Variants in CEP170B observed in about 807,000 individuals in gnomAD.
CEP170B encodes the protein centrosomal protein of 170 kDa protein B.
In CEP170B, 55 loss-of-function variants were observed where a neutral mutation model predicts 120.6. That is an observed-to-expected ratio of 0.46 (90% CI 0.37 to 0.57). The LOEUF (loss-of-function observed/expected upper bound fraction) is 0.57, where lower values mean the gene tolerates loss of function less well. CEP170B is among the 20% of genes least tolerant of loss of function. The pLI is 0.00. For missense variants in CEP170B, 2,212 were observed against 2,253.3 expected, an observed-to-expected ratio of 0.98 and a Z score of 0.37; for synonymous variants, 1,033 against 954.5, an observed-to-expected ratio of 1.08 and a Z score of -1.52.
In CEP170B at chr14:104,893,701, G is replaced by A. The variant is rs761265140; in HGVS notation, c.4182+35G>A. ...CCACTACCGCCACGGAGCTGGGTGT[G>A]GGGGGAGCAGGGGCGGGGCTCCTCG... On this transcript the variant is annotated intron_variant, in intron 15 of 18. Coordinates refer to ENST00000414716, the MANE Select transcript of CEP170B (RefSeq NM_001112726.3). The A allele has an allele frequency of 8.8e-6, 14 of 1,584,182 alleles. No individual in the cohort carries two copies. In the Admixed American group the frequency reaches 1.1e-4, roughly 12 times the overall value.
At chr14:104,892,908 G>A in intron 13 of CEP170B, 68 bp from the exon 14 acceptor site, 1 of 1,514,672 alleles carries the variant, frequency 6.6e-7, no homozygotes, top group Non-Finnish European at 9.0e-7. Flanking sequence ...GGGGCTTTGA[G>A]GCCTGTCTGG....
chr14:104,877,856 C>A (rs775300139), intron 3 of CEP170B, 29 bp from the exon 4 acceptor site: 10 of 537,256 alleles, frequency 1.9e-5, no homozygotes, highest in African/African-American at 1.1e-4. Context: ...GCAGCTCCCC[C>A]CCCCCCCCCG....
Position 104,887,658 on chromosome 14 carries a change from C to A in CEP170B, c.3419C>A (p.Ala1140Glu). The A allele has an allele frequency of 6.4e-6, 10 of 1,566,302 alleles. No individual in the cohort carries two copies. The highest frequency in any genetic ancestry group is 7.8e-6 in the Non-Finnish European group (9 of 1,158,282). Residue 1140 changes from alanine to glutamate, a missense_variant, in exon 12 of 19, where the codon GCG becomes GAG. Around this residue, in one of 2 missense-constraint regions of CEP170B, gnomAD observed 2,166 missense variants for 2,166.7 expected, o/e 1.00. Transcript: ENST00000414716. ...RLGDASDTEA[A>E]DGERGSLGNP... Reference sequence around the variant, plus strand: ...GGGGACGCTTCAGACACTGAGGCTGCGGATGGTGAGCGGGGGTCCCTGGGC... The same window carrying A: ...GGGGACGCTTCAGACACTGAGGCTGAGGATGGTGAGCGGGGGTCCCTGGGC...
At chr14:104,873,628 A>C (rs1311005299) in intron 2 of CEP170B, among the ~76,000 whole-genome samples, 2 of 151,912 alleles carry the variant, frequency 1.3e-5, no homozygotes, top group East Asian at 3.9e-4. Context: ...GTCCAGCAGG[A>C]GCTCTCGAGG....
intron 12 of CEP170B, among the ~76,000 whole-genome samples, chr14:104,888,797 G>T (rs1343362771): frequency 6.6e-6 from 1 of 152,250 alleles, no homozygotes; most frequent in African/African-American, 2.4e-5. Context: ...CCAACTGCTG[G>T]CTGCACTGGG....
In CEP170B at chr14:104,868,306, T is replaced by C. The variant is rs563641519; in HGVS notation, c.-27-118T>C. On this transcript the variant is annotated intron_variant, in intron 1 of 18. Transcript: ENST00000414716. The surrounding 1 kb of genome is among the most constrained non-coding windows in gnomAD (Gnocchi z 5.9). ...TGGCCTGATGAGGCTGGAGCCCAGC[T>C]TCTCCGGAAGCTGCCAGCTTCCCTT... 9.9e-6 allele frequency: 7 copies of C among 710,232 alleles called. No individual in the cohort carries two copies. The South Asian group carries it at 1.3e-4, about 13-fold the overall frequency. The allele number at this position is 710,232 out of a possible 1,614,324, so 44.0% of individuals were successfully genotyped here.
chr14:104,894,002 TC>T, intron 16 of CEP170B, 153 bp downstream of exon 16: 1 of 772,138 alleles, frequency 1.3e-6, no homozygotes, highest in Non-Finnish European at 2.1e-6. Context: ...TGTATGTGGC[TC>T]CCAGCAGGCA....
chr14:104,886,521 C>A lies in CEP170B; in HGVS notation c.2282C>A (p.Pro761Gln). 6.6e-7 allele frequency: 1 copy of A among 1,516,630 alleles called. No homozygotes were observed. The highest frequency in any genetic ancestry group is 8.8e-7 in the Non-Finnish European group (1 of 1,135,360). 93.9% of individuals were successfully genotyped at this position (1,516,630 alleles called of 1,614,324 possible). Reference protein sequence around the residue: ...SGSDGGRGPEPGVEPQDSRRR... With the variant: ...SGSDGGRGPEQGVEPQDSRRR... ...TCGGACGGGGGCCGAGGCCCCGAGC[C>A]AGGGGTGGAGCCACAGGACAGCAGA... The change falls in exon 12 of 19, where the codon CCA becomes CAA. Residue 761 changes from proline (P) to glutamine (Q), a missense_variant. This residue lies in a region of CEP170B where 2,166 missense variants were observed against 2,166.7 expected (regional missense o/e 1.00). Transcript: ENST00000414716.
chr14:104,889,798 G>A (rs1337187940), intron 13 of CEP170B, 40 bp downstream of exon 13: 2 of 1,574,148 alleles, frequency 1.3e-6, no homozygotes, highest in Admixed American at 1.7e-5. Flanking sequence ...GGGTGCCAGT[G>A]CGTTTTCTTG....
chr14:104,877,109 C>T (rs1234432306), intron 3 of CEP170B, among the ~76,000 whole-genome samples: 1 of 152,098 alleles, frequency 6.6e-6, no homozygotes, highest in African/African-American at 2.4e-5. Flanking sequence ...CTAGCAGCCC[C>T]TCAGCAGCCC....
In CEP170B at chr14:104,886,403, G is replaced by T; in HGVS notation, c.2164G>T (p.Gly722Trp). The change falls in exon 12 of 19, where the codon GGG becomes TGG. Residue 722 changes from glycine (G) to tryptophan (W), a missense_variant. By Grantham distance (184) the Gly-to-Trp change is radical. Around this residue, in one of 2 missense-constraint regions of CEP170B, gnomAD observed 2,166 missense variants for 2,166.7 expected, o/e 1.00. Coordinates refer to ENST00000414716, the MANE Select transcript of CEP170B (RefSeq NM_001112726.3). ...PAGPESSRRS[G>W]PGPPELDSEQ... Reference sequence around the variant, plus strand: ...GGGCCCAGAGAGCAGCAGGAGGAGTGGGCCTGGGCCACCGGAGCTGGACAG... The same window carrying T: ...GGGCCCAGAGAGCAGCAGGAGGAGTTGGCCTGGGCCACCGGAGCTGGACAG... The T allele has an allele frequency of 6.3e-7, 1 of 1,581,894 alleles. No individual in the cohort carries two copies.
intron 12 of CEP170B, among the ~76,000 whole-genome samples, chr14:104,888,963 C>T (rs899912345): frequency 3.9e-5 from 6 of 152,242 alleles, no homozygotes; most frequent in African/African-American, 7.2e-5. Context: ...CCATCATGCC[C>T]CGCTACAGTG....
intron 3 of CEP170B, 134 bp from the exon 4 acceptor site, chr14:104,877,751 G>A: frequency 1.5e-6 from 1 of 651,590 alleles, no homozygotes. Flanking sequence ...ACTCGCCGTG[G>A]GTTCCAGAGA....
chr14:104,889,982 GTGGATGGATGGA>G (rs1566872619), intron 13 of CEP170B, among the ~76,000 whole-genome samples: 1 of 52,820 alleles, frequency 1.9e-5, no homozygotes. Context: ...GGGTGGGTGG[GTGGATGGATGGA>G]TAGGAGGGTG....
At position 104,884,025 on chromosome 14, in the gene CEP170B, A is replaced by C. The variant is rs760869423; in HGVS notation, c.1246A>C (p.Lys416Gln). ...GTTCTTCGACGAGGACACACCCCGA[A>C]AGAAGCGCTCCCAGTCCTTCACGCA... ...IEFFDEDTPR[K>Q]KRSQSFTHSP... The change falls in exon 9 of 19, where the codon AAG (lysine) becomes CAG (glutamine). Residue 416 changes from lysine to glutamine, a missense_variant. Around this residue, in one of 2 missense-constraint regions of CEP170B, gnomAD observed 2,166 missense variants for 2,166.7 expected, o/e 1.00. Coordinates refer to ENST00000414716, the MANE Select transcript of CEP170B (RefSeq NM_001112726.3). 6.2e-7 allele frequency: 1 copy of C among 1,610,924 alleles called. No homozygotes were observed. The highest frequency in any genetic ancestry group is 1.7e-4 in the Middle Eastern group (1 of 6,058).
rs758126565 is a variant in CEP170B, at chr14:104,878,478, C to G, written c.310C>G (p.Arg104Gly). 6.2e-7 allele frequency: 1 copy of G among 1,612,066 alleles called. No individual in the cohort carries two copies. Among genetic ancestry groups the G allele is most frequent in the South Asian group, 1.1e-5 (1 of 91,054 alleles). The change falls in exon 5 of 19, where the codon CGA becomes GGA. Residue 104 changes from arginine (R) to glycine (G), a missense_variant. Transcript: ENST00000414716. The stretch of plus-strand genomic sequence containing the variant: ...GTATGTGCTGGAGCGTGTGCAGCAC[C>G]GAGTCCCGGAGGAGGCACTCAAGGT... Reference protein sequence around the residue: ...NMYVLERVQHRVPEEALKHEK... With the variant: ...NMYVLERVQHGVPEEALKHEK...
In CEP170B at chr14:104,885,516, G is replaced by A; in HGVS notation, c.1918G>A (p.Gly640Ser). The change falls in exon 10 of 19, where the codon GGT becomes AGT. Residue 640 changes from glycine (G) to serine (S), a missense_variant. By Grantham distance (56) the Gly-to-Ser change is moderately conservative. Around this residue, in one of 2 missense-constraint regions of CEP170B, gnomAD observed 2,166 missense variants for 2,166.7 expected, o/e 1.00. Coordinates refer to ENST00000414716, the MANE Select transcript of CEP170B (RefSeq NM_001112726.3). ...LLQEFASRPL[G>S]AAPQAEHQGL... The stretch of plus-strand genomic sequence containing the variant: ...GCAGGAGTTTGCCTCCCGGCCACTG[G>A]GTGCGGCCCCCCAGGCGGAGCACCA... 1 of 1,566,570 alleles carries A rather than the reference G, an allele frequency of 6.4e-7. No individual in the cohort carries two copies. Among genetic ancestry groups the A allele is most frequent in the African/African-American group, 1.4e-5 (1 of 74,020 alleles).
intron 2 of CEP170B, among the ~76,000 whole-genome samples, chr14:104,875,369 G>A (rs182846482): frequency 1.3e-5 from 2 of 152,300 alleles, no homozygotes; most frequent in African/African-American, 2.4e-5. Flanking sequence ...GCCAGGACTC[G>A]GTGACTTCCC....
intron 4 of CEP170B, 107 bp from the exon 5 acceptor site, chr14:104,878,336 C>T (rs1032807676): frequency 8.6e-7 from 1 of 1,159,578 alleles, no homozygotes; most frequent in South Asian, 1.3e-5. Flanking sequence ...GGCCCCTCCT[C>T]TGCCTGCCTC....
Sources: allele counts gnomAD v4.1 joint callset (sites outside exome capture counted in the v4.1 genomes callset), GRCh38; gene constraint gnomAD v4.1.1; regional missense constraint gnomAD v4.1.1; non-coding constraint Gnocchi (gnomAD v3.1); transcripts MANE v1.5; gene names NCBI Gene and HGNC (gene_info 2026-07-23, HGNC 2026-07-21).